The following RTN4R variants were observed in gnomAD, a reference collection of about 807,000 sequenced individuals.
RTN4R encodes reticulon 4 receptor.
RTN4R carries 4 observed loss-of-function variants against 27.7 expected under a neutral mutation model. The ratio of observed to expected loss-of-function variants is 0.14; its 90% CI spans 0.07 to 0.33. The LOEUF is 0.33. RTN4R is among the 10% of genes least tolerant of loss of function. The probability of loss-of-function intolerance (pLI) is 1.00; values close to 1 mark genes in which losing one functional copy is unlikely to be tolerated. For synonymous variants in RTN4R, 290 were observed against 305.6 expected, an observed-to-expected ratio of 0.95 and a Z score of 0.53; for missense variants, 554 against 671.5, an observed-to-expected ratio of 0.83 and a Z score of 1.93.
intron 1 of RTN4R, among the ~76,000 whole-genome samples, chr22:20,259,232 C>A (rs1006205160): frequency 6.6e-6 from 1 of 152,204 alleles, no homozygotes; most frequent in Non-Finnish European, 1.5e-5. Context: ...AGAATGGACT[C>A]CATTAGGGCC....
intron 1 of RTN4R, among the ~76,000 whole-genome samples, chr22:20,263,192 C>G (rs1406073461): frequency 6.6e-6 from 1 of 152,202 alleles, no homozygotes; most frequent in Non-Finnish European, 1.5e-5. Context: ...CCCGTGGGTG[C>G]GGGGTTTGTG....
Position 20,266,538 on chromosome 22 carries a change from G to A in RTN4R, c.22+1533C>T, listed in dbSNP as rs1304394436. Among the ~76,000 whole-genome samples, 14 of 152,300 alleles carry A rather than the reference G, an allele frequency of 9.2e-5. No individual in the cohort carries two copies. In the South Asian group the frequency reaches 1.0e-3, roughly 11 times the overall value. On this transcript the variant is annotated intron_variant, in intron 1 of 1. Transcript: ENST00000043402. ...GTGCTCCAGTCAGCCAAGCTGCAGCGGCCACCAAGGGTGCCCAGGGTCTGG... is the reference window on the plus strand; with the variant it reads ...GTGCTCCAGTCAGCCAAGCTGCAGCAGCCACCAAGGGTGCCCAGGGTCTGG...
chr22:20,243,334 C>G, intron 1 of RTN4R: 2 of 701,288 alleles, frequency 2.9e-6, no homozygotes, highest in Admixed American at 2.1e-5. Context: ...TGCACTCCAC[C>G]CTGGAAGCCA....
rs1480391924 is a variant in RTN4R at position 20,241,457 on chromosome 22, C to T, written c.*254G>A. The T allele has an allele frequency of 1.8e-6, 1 of 558,278 alleles. No individual in the cohort carries two copies. 34.6% of individuals were successfully genotyped at this position (558,278 alleles called of 1,614,324 possible). On this transcript the variant is annotated 3_prime_UTR_variant, in exon 2 of 2. Coordinates refer to ENST00000043402, the MANE Select transcript of RTN4R (RefSeq NM_023004.6). ...TATTCCACGTCGTCCGATATTTTTA[C>T]ACAAGTAAAATAAAATGCATATCTC...
Position 20,255,824 on chromosome 22 carries a change from T to C in RTN4R, c.22+12247A>G, listed in dbSNP as rs1038549864. On this transcript the variant is annotated intron_variant, in intron 1 of 1. Coordinates refer to ENST00000043402, the MANE Select transcript of RTN4R (RefSeq NM_023004.6). The surrounding 1 kb of genome is among the most constrained non-coding windows in gnomAD (Gnocchi z 4.8). ...GGGTCGCCTAGCACTGGGGTGGGTG[T>C]GCAGCCCCCAGCCTCCTTTCTGACC... 6.6e-6 allele frequency among the ~76,000 whole-genome samples: 1 copy of C among 152,156 alleles called. No individual in the cohort carries two copies. Among genetic ancestry groups the C allele is most frequent in the Non-Finnish European group, 1.5e-5 (1 of 68,020 alleles).
At chr22:20,246,425 C>T (rs2051141196) in intron 1 of RTN4R, among the ~76,000 whole-genome samples, 1 of 150,768 alleles carries the variant, frequency 6.6e-6, no homozygotes, top group Admixed American at 6.6e-5. Flanking sequence ...TTCACGTTCA[C>T]TGCAGGAGGG....
In RTN4R at chr22:20,255,563, A is replaced by G. The variant is rs1047303086; in HGVS notation, c.23-12453T>C. ...CCGAAGGGGCAGCTTCTGGCCTAAA[A>G]GCCCAACTCTGTGCTTGGGCCTTCC... On this transcript the variant is annotated intron_variant, in intron 1 of 1. Transcript: ENST00000043402. The surrounding 1 kb of genome is among the most constrained non-coding windows in gnomAD (Gnocchi z 4.8). 1.8e-4 allele frequency among the ~76,000 whole-genome samples: 28 copies of G among 152,232 alleles called. No homozygotes were observed. The highest frequency in any genetic ancestry group is 6.0e-4 in the African/African-American group (25 of 41,458).
intron 1 of RTN4R, chr22:20,267,816 AC>A (rs1378648365): frequency 5.7e-6 from 2 of 350,446 alleles, no homozygotes; most frequent in Non-Finnish European, 1.1e-5. Context: ...TCGGACCGCC[AC>A]CCTCGGCCCT....
chr22:20,252,299 T>C (rs1792729851), intron 1 of RTN4R, among the ~76,000 whole-genome samples: 1 of 152,112 alleles, frequency 6.6e-6, no homozygotes, highest in African/African-American at 2.4e-5. Flanking sequence ...CAGTACTGGG[T>C]CGACACCAGA....
intron 1 of RTN4R, among the ~76,000 whole-genome samples, chr22:20,244,980 C>T (rs1438680937): frequency 6.6e-6 from 1 of 152,190 alleles, no homozygotes; most frequent in Non-Finnish European, 1.5e-5. Context: ...CACCACTGTC[C>T]TGTGGCTCCA....
intron 1 of RTN4R, among the ~76,000 whole-genome samples, 172 bp downstream of exon 1, chr22:20,267,899 G>A (rs1431273895): frequency 6.6e-6 from 1 of 152,022 alleles, no homozygotes; most frequent in Non-Finnish European, 1.5e-5. Context: ...CCCGGGGCCG[G>A]GGCGCCAGCG....
chr22:20,260,799 G>A (rs2051241613), intron 1 of RTN4R, among the ~76,000 whole-genome samples: 2 of 152,166 alleles, frequency 1.3e-5, no homozygotes, highest in Non-Finnish European at 2.9e-5. Flanking sequence ...CAAAGGCAGA[G>A]GACCCCATAC....
intron 1 of RTN4R, among the ~76,000 whole-genome samples, chr22:20,250,303 T>C (rs1463466890): frequency 1.3e-5 from 2 of 152,254 alleles, no homozygotes; most frequent in Non-Finnish European, 2.9e-5. Context: ...GCCACACCTA[T>C]GTGTTCACGC....
At chr22:20,245,559 C>G (rs908133650) in intron 1 of RTN4R, among the ~76,000 whole-genome samples, 2 of 152,234 alleles carry the variant, frequency 1.3e-5, no homozygotes, top group Admixed American at 1.3e-4. Flanking sequence ...TCCTCCCTGG[C>G]CCCATGGTGG....
At position 20,241,504 on chromosome 22, in the gene RTN4R, G is replaced by C. The variant is rs1055349114; in HGVS notation, c.*207C>G. 6.7e-6 allele frequency: 4 copies of C among 599,064 alleles called. No individual in the cohort carries two copies. The African/African-American group carries it at 7.4e-5, about 11-fold the overall frequency. 37.1% of individuals were successfully genotyped at this position (599,064 alleles called of 1,614,324 possible). On this transcript the variant is annotated 3_prime_UTR_variant, in exon 2 of 2. Transcript: ENST00000043402. ...TCTCTATATACCGCGATCTGGGTGG[G>C]AGGCGGCGTTCTGGAACAAACGCTG...
At chr22:20,250,855 GCACA>G (rs35094087) in intron 1 of RTN4R, among the ~76,000 whole-genome samples, 2 of 150,414 alleles carry the variant, frequency 1.3e-5, no homozygotes, top group East Asian at 3.9e-4. Context: ...ACACATGCAT[GCACA>G]CACACACACA....
chr22:20,251,654 CCATCACCATCCT>C (rs1475021090), intron 1 of RTN4R, among the ~76,000 whole-genome samples: 1 of 98,342 alleles, frequency 1.0e-5, no homozygotes, highest in Non-Finnish European at 2.2e-5. Flanking sequence ...ATCCTCATCA[CCATCACCATCCT>C]CAACACCATC....
chr22:20,252,530 C>T (rs1049305046), intron 1 of RTN4R, among the ~76,000 whole-genome samples: 1 of 152,168 alleles, frequency 6.6e-6, no homozygotes, highest in Non-Finnish European at 1.5e-5. Flanking sequence ...GAGGCAAGTG[C>T]CTTGCTGGCC....
chr22:20,267,497 C>A (rs854929), intron 1 of RTN4R: 1 of 406,906 alleles, frequency 2.5e-6, no homozygotes, highest in Non-Finnish European at 5.1e-6. Flanking sequence ...CTGCAGATGG[C>A]GGGCGTTGCT....
Sources: gnomAD v4.1 joint callset for allele counts (sites outside exome capture counted in the v4.1 genomes callset) on GRCh38, gnomAD v4.1.1 for gene constraint, Gnocchi (gnomAD v3.1) non-coding constraint, MANE v1.5 for transcripts, NCBI Gene and HGNC (gene_info 2026-07-23, HGNC 2026-07-21) for gene names.